Variants in CPNE4 observed in about 807,000 individuals in gnomAD.
CPNE4 encodes copine-4.
Under a neutral mutation model 67.9 loss-of-function variants are expected in CPNE4, and 25 were observed. That is an observed-to-expected ratio of 0.37 (90% CI 0.27 to 0.51). The LOEUF (loss-of-function observed/expected upper bound fraction) is 0.51, where lower values mean the gene tolerates loss of function less well. CPNE4 is among the 20% of genes least tolerant of loss of function. The probability of loss-of-function intolerance (pLI) is 0.93; values close to 1 mark genes in which losing one functional copy is unlikely to be tolerated. For synonymous variants in CPNE4, 242 were observed against 244.9 expected, an observed-to-expected ratio of 0.99 and a Z score of 0.11; for missense variants, 464 against 690.8, an observed-to-expected ratio of 0.67 and a Z score of 3.68.
intron 2 of CPNE4, among the ~76,000 whole-genome samples, chr3:131,753,305 AG>A (rs1261339473): frequency 6.6e-6 from 1 of 152,196 alleles, no homozygotes; most frequent in Non-Finnish European, 1.5e-5. Context: ...ATAATGAAAA[AG>A]TAAAACAATA....
At chr3:131,911,236 C>T (rs2088961376) in intron 1 of CPNE4, among the ~76,000 whole-genome samples, 2 of 150,968 alleles carry the variant, frequency 1.3e-5, no homozygotes, top group African/African-American at 4.9e-5. Context: ...ATCCAATAGG[C>T]AGCCAGAAAC....
At chr3:131,577,046 G>A (rs1937567207) in intron 9 of CPNE4, among the ~76,000 whole-genome samples, 1 of 151,624 alleles carries the variant, frequency 6.6e-6, no homozygotes, top group African/African-American at 2.4e-5. Context: ...GGTTCATAAG[G>A]CCCAAAGTTG....
intron 1 of CPNE4, among the ~76,000 whole-genome samples, chr3:131,955,683 A>G (rs1870713): frequency 0.53 from 79,824 of 151,726 alleles, 22,143 homozygotes; most frequent in Admixed American, 0.68. Flanking sequence ...GTCCCTCCGC[A>G]GTGCCGTTTC....
chr3:131,631,727 A>G (rs1051379817), intron 7 of CPNE4, among the ~76,000 whole-genome samples: 7 of 151,954 alleles, frequency 4.6e-5, no homozygotes, highest in Non-Finnish European at 1.0e-4. Flanking sequence ...AAAACATTGA[A>G]GTAGTAGTTT....
chr3:132,025,869 C>T (rs1238711775), intron 1 of CPNE4, among the ~76,000 whole-genome samples: 1 of 152,202 alleles, frequency 6.6e-6, no homozygotes, highest in Non-Finnish European at 1.5e-5. Flanking sequence ...ACATACAACA[C>T]ACAGAATAGT....
At chr3:131,974,386 A>G (rs2072588841) in intron 1 of CPNE4, among the ~76,000 whole-genome samples, 1 of 152,174 alleles carries the variant, frequency 6.6e-6, no homozygotes, top group African/African-American at 2.4e-5. Context: ...TATACATACA[A>G]TGTGCACATA....
intron 1 of CPNE4, among the ~76,000 whole-genome samples, chr3:131,927,666 T>C (rs746765592): frequency 1.5e-4 from 23 of 152,234 alleles, no homozygotes; most frequent in Non-Finnish European, 4.4e-5. Context: ...AATAATCTTT[T>C]TGTCCCCTGT....
chr3:131,855,891 T>A (rs2086424508), intron 2 of CPNE4, among the ~76,000 whole-genome samples: 1 of 151,994 alleles, frequency 6.6e-6, no homozygotes. Context: ...AATATTGAGT[T>A]AATATAAAAT....
At chr3:132,011,588 G>T (rs2073763752) in intron 1 of CPNE4, among the ~76,000 whole-genome samples, 1 of 152,156 alleles carries the variant, frequency 6.6e-6, no homozygotes, top group Non-Finnish European at 1.5e-5. Context: ...CATCATTTAA[G>T]AAAGCAAAGT....
intron 7 of CPNE4, among the ~76,000 whole-genome samples, chr3:131,610,519 C>T (rs1939775046): frequency 6.6e-6 from 1 of 152,102 alleles, no homozygotes; most frequent in Non-Finnish European, 1.5e-5. Flanking sequence ...TTGGAGAAAT[C>T]CTTACCAGTG....
chr3:131,701,011 G>A (rs1166044125), intron 3 of CPNE4, among the ~76,000 whole-genome samples: 1 of 149,548 alleles, frequency 6.7e-6, no homozygotes, highest in Non-Finnish European at 1.5e-5. Flanking sequence ...ACCAAACACT[G>A]CATGTTCTCA....
chr3:131,995,987 G>A (rs923556945), intron 1 of CPNE4, among the ~76,000 whole-genome samples: 1 of 152,112 alleles, frequency 6.6e-6, no homozygotes, highest in African/African-American at 2.4e-5. Flanking sequence ...GGACTCCATG[G>A]CTCATGCTAC....
chr3:131,792,694 TAC>T lies in CPNE4; in HGVS notation c.181-69071_181-69070del, dbSNP rs1406105769. Reference sequence around the variant, plus strand: ...ATACATATATACACACGTGTATATATACATATACACACACGTGTATATATGTA... The same window carrying T: ...ATACATATATACACACGTGTATATATATATACACACACGTGTATATATGTA... On this transcript the variant is annotated intron_variant, in intron 2 of 15. Transcript: ENST00000429747. Among the ~76,000 whole-genome samples, 103 of 57,118 alleles carry T rather than the reference TAC, an allele frequency of 1.8e-3. 2 individuals are homozygous for T. Among genetic ancestry groups the T allele is most frequent in the African/African-American group, 5.2e-3 (75 of 14,450 alleles). 37.5% of individuals were successfully genotyped at this position (57,118 alleles called of 152,430 possible).
chr3:131,887,904 G>A (rs1281428847), intron 2 of CPNE4, among the ~76,000 whole-genome samples: 1 of 145,860 alleles, frequency 6.9e-6, no homozygotes, highest in South Asian at 2.2e-4. Flanking sequence ...TATTAAGAAG[G>A]AGGGTCTATG....
intron 2 of CPNE4, among the ~76,000 whole-genome samples, chr3:131,893,391 C>T (rs1224787756): frequency 6.6e-6 from 1 of 151,816 alleles, no homozygotes; most frequent in Non-Finnish European, 1.5e-5. Context: ...GCTTCAACAC[C>T]CAACTTTCAA....
At chr3:131,888,235 C>G (rs1396752587) in intron 2 of CPNE4, among the ~76,000 whole-genome samples, 1 of 152,164 alleles carries the variant, frequency 6.6e-6, no homozygotes, top group African/African-American at 2.4e-5. Context: ...AGCAAATCTT[C>G]AATTGAGGTA....
intron 2 of CPNE4, among the ~76,000 whole-genome samples, chr3:131,729,642 G>T (rs552386855): frequency 1.7e-4 from 26 of 152,292 alleles, no homozygotes; most frequent in Non-Finnish European, 1.5e-5. Context: ...TTTCTACTTT[G>T]TTAGGATTAA....
At chr3:131,817,120 G>A (rs985629862) in intron 2 of CPNE4, among the ~76,000 whole-genome samples, 1 of 152,128 alleles carries the variant, frequency 6.6e-6, no homozygotes, top group African/African-American at 2.4e-5. Flanking sequence ...AGGATGAGGA[G>A]GTGCAAATAC....
chr3:131,924,051 C>T (rs2070822271), intron 1 of CPNE4, among the ~76,000 whole-genome samples: 1 of 152,168 alleles, frequency 6.6e-6, no homozygotes, highest in Non-Finnish European at 1.5e-5. Flanking sequence ...GTCAGTGGTT[C>T]ACCTTGTGAT....
Sources: allele counts gnomAD v4.1 joint callset (sites outside exome capture counted in the v4.1 genomes callset), GRCh38; gene constraint gnomAD v4.1.1; transcripts MANE v1.5; gene names NCBI Gene and HGNC (gene_info 2026-07-23, HGNC 2026-07-21).